CRACD: variants seen among roughly 807,000 people sequenced by gnomAD.
The protein encoded by CRACD is capping protein inhibiting regulator of actin dynamics, also known as capping protein-inhibiting regulator of actin dynamics.
A neutral mutation model predicts 106.8 loss-of-function variants in CRACD; 56 were observed. That is an observed-to-expected ratio of 0.52 (90% CI 0.42 to 0.66). The LOEUF is 0.66. CRACD is among the 30% of genes least tolerant of loss of function. The pLI, the probability that CRACD is intolerant of heterozygous loss-of-function variation, is 0.00. For synonymous variants in CRACD, 754 were observed against 670.8 expected (o/e 1.12, Z -1.92); for missense variants, 1,730 against 1,623.2 (o/e 1.07, Z -1.13).
At chr4:56,197,913 C>G (rs1415614857) in intron 2 of CRACD, among the ~76,000 whole-genome samples, 1 of 152,098 alleles carries the variant, frequency 6.6e-6, no homozygotes, top group Non-Finnish European at 1.5e-5. Flanking sequence ...TCCTGACCTT[C>G]TGATCCGCCC....
At chr4:56,192,157 C>T (rs1408961004) in intron 2 of CRACD, among the ~76,000 whole-genome samples, 30 of 152,180 alleles carry the variant, frequency 2.0e-4, no homozygotes, top group Admixed American at 1.6e-3. Flanking sequence ...TTTGGGAGGC[C>T]GAGGCGGGAG....
intron 1 of CRACD, among the ~76,000 whole-genome samples, chr4:56,082,189 G>A (rs1459442930): frequency 6.6e-6 from 1 of 152,126 alleles, no homozygotes; most frequent in Non-Finnish European, 1.5e-5. Context: ...TTAAGTAGAG[G>A]CCTGAATGAT....
intron 2 of CRACD, among the ~76,000 whole-genome samples, chr4:56,256,071 G>A (rs1741337257): frequency 6.6e-6 from 1 of 152,118 alleles, no homozygotes; most frequent in Non-Finnish European, 1.5e-5. Flanking sequence ...GAATTTTGGA[G>A]CAAAACTCTG....
chr4:56,320,066 AGAGGCT>A lies in CRACD; in HGVS notation c.3188-3305_3188-3300del, dbSNP rs572285678. 2.5e-3 allele frequency among the ~76,000 whole-genome samples: 372 copies of A among 151,696 alleles called. 2 individuals are homozygous for A. Among genetic ancestry groups the A allele is most frequent in the Admixed American group, 7.2e-3 (110 of 15,244 alleles). ...TGGGCACCTGTAATCCCAGCTACTC[AGAGGCT>A]GAGGCAGGAGGATTGCTTGAACCCA... On this transcript the variant is annotated intron_variant, in intron 8 of 10. Transcript: ENST00000682029.
At chr4:56,074,036 G>A (rs1732752837) in intron 1 of CRACD, among the ~76,000 whole-genome samples, 1 of 152,060 alleles carries the variant, frequency 6.6e-6, no homozygotes, top group South Asian at 2.1e-4. Flanking sequence ...TATTTCTGAG[G>A]GCTCTGTTCT....
intron 1 of CRACD, among the ~76,000 whole-genome samples, chr4:56,085,558 T>A (rs536308491): frequency 6.6e-6 from 1 of 152,338 alleles, no homozygotes; most frequent in South Asian, 2.1e-4. Context: ...TTTCCTGTAA[T>A]GGGCCAGATA....
At chr4:56,152,666 C>A (rs1164071201) in intron 1 of CRACD, among the ~76,000 whole-genome samples, 1 of 152,044 alleles carries the variant, frequency 6.6e-6, no homozygotes, top group African/African-American at 2.4e-5. Context: ...ACCTCTGCAA[C>A]TCCAGCCTGG....
chr4:56,091,403 G>A (rs1358712035), intron 1 of CRACD, among the ~76,000 whole-genome samples: 1 of 151,532 alleles, frequency 6.6e-6, no homozygotes, highest in Non-Finnish European at 1.5e-5. Context: ...TGTAACAGGG[G>A]GACCTCACCT....
chr4:56,223,217 C>A lies in CRACD; in HGVS notation c.-189+43787C>A, dbSNP rs537621480. Among the ~76,000 whole-genome samples the A allele has an allele frequency of 3.5e-3, 347 of 99,772 alleles. 4 individuals are homozygous for A. Among genetic ancestry groups the A allele is most frequent in the Non-Finnish European group, 5.3e-3 (264 of 50,048 alleles). The allele number at this position is 99,772 out of a possible 152,430, so 65.5% of individuals were successfully genotyped here. ...CATCTCTTTTTCGTTTTTCTTGATT[C>A]TTTTCTCTTTTTTTTTTTTCCTAAT... is the stretch of plus-strand genomic sequence containing the variant. On this transcript the variant is annotated intron_variant, in intron 2 of 10. Coordinates refer to ENST00000682029, the MANE Select transcript of CRACD (RefSeq NM_001393381.1).
intron 2 of CRACD, among the ~76,000 whole-genome samples, chr4:56,229,522 T>C (rs1295630735): frequency 3.9e-5 from 6 of 152,210 alleles, no homozygotes; most frequent in African/African-American, 1.4e-4. Flanking sequence ...ATCTAAGGTA[T>C]TTTGTTTTAG....
intron 1 of CRACD, among the ~76,000 whole-genome samples, chr4:56,076,173 A>G (rs150694805): frequency 3.3e-5 from 5 of 152,278 alleles, no homozygotes; most frequent in Non-Finnish European, 5.9e-5. Flanking sequence ...GGAAATTTGG[A>G]CACAGACACA....
At chr4:56,227,451 C>G (rs1259697123) in intron 2 of CRACD, among the ~76,000 whole-genome samples, 1 of 152,146 alleles carries the variant, frequency 6.6e-6, no homozygotes, top group African/African-American at 2.4e-5. Context: ...TCATCAGTAA[C>G]AAGGAAACTT....
At chr4:56,111,006 G>A (rs1734103845) in intron 1 of CRACD, among the ~76,000 whole-genome samples, 1 of 152,140 alleles carries the variant, frequency 6.6e-6, no homozygotes, top group Non-Finnish European at 1.5e-5. Context: ...CAGTTTGGGT[G>A]GAAAGATGAG....
At chr4:56,082,470 A>T (rs1733066884) in intron 1 of CRACD, among the ~76,000 whole-genome samples, 1 of 152,202 alleles carries the variant, frequency 6.6e-6, no homozygotes, top group Non-Finnish European at 1.5e-5. Context: ...AGAAGCAGTG[A>T]TACTAAGGTG....
chr4:56,091,703 A>G (rs1010439188), intron 1 of CRACD, among the ~76,000 whole-genome samples: 5 of 152,128 alleles, frequency 3.3e-5, no homozygotes, highest in African/African-American at 1.2e-4. Context: ...TTGTTACATT[A>G]TGGGTTAAGT....
At chr4:56,140,977 T>C (rs1400146478) in intron 1 of CRACD, among the ~76,000 whole-genome samples, 1 of 152,184 alleles carries the variant, frequency 6.6e-6, no homozygotes, top group Non-Finnish European at 1.5e-5. Flanking sequence ...CAGAGAAACA[T>C]ACTGTTCTCC....
intron 2 of CRACD, among the ~76,000 whole-genome samples, chr4:56,180,641 A>G (rs1336666174): frequency 6.6e-6 from 1 of 152,226 alleles, no homozygotes; most frequent in African/African-American, 2.4e-5. Context: ...GAAATAAAAT[A>G]ACAACTACCT....
At chr4:56,268,680 A>G (rs1742171022) in intron 2 of CRACD, among the ~76,000 whole-genome samples, 3 of 152,250 alleles carry the variant, frequency 2.0e-5, no homozygotes, top group Non-Finnish European at 4.4e-5. Flanking sequence ...AAAGTTTTCA[A>G]TTAATACAGC....
At chr4:56,258,590 T>C (rs1741508986) in intron 2 of CRACD, among the ~76,000 whole-genome samples, 1 of 152,232 alleles carries the variant, frequency 6.6e-6, no homozygotes. Flanking sequence ...AAGTTGGTTC[T>C]GCACAATAAT....
Sources: allele counts gnomAD v4.1 joint callset (sites outside exome capture counted in the v4.1 genomes callset), GRCh38; gene constraint gnomAD v4.1.1; transcripts MANE v1.5; gene names NCBI Gene and HGNC (gene_info 2026-07-23, HGNC 2026-07-21).